The following E2F3 variants were observed in gnomAD, a reference collection of about 807,000 sequenced individuals.
E2F3 encodes transcription factor E2F3.
In E2F3, 11 loss-of-function variants were observed where a neutral mutation model predicts 44.4. The observed-to-expected ratio is 0.25, with a 90% CI of 0.16 to 0.41. The LOEUF is 0.41. Ranked by LOEUF, E2F3 falls within the 10% of genes least tolerant of loss-of-function variation. The pLI is 1.00. For synonymous variants in E2F3, 249 were observed against 253.0 expected (o/e 0.98, Z 0.15); for missense variants, 487 against 583.6 (o/e 0.83, Z 1.70).
intron 1 of E2F3, among the ~76,000 whole-genome samples, chr6:20,433,835 C>T (rs73731197): frequency 0.027 from 4,129 of 152,132 alleles, 85 homozygotes; most frequent in African/African-American, 0.064. Flanking sequence ...GTCTATGGCA[C>T]GAAAACATGA....
At chr6:20,464,477 T>A (rs564075050) in intron 1 of E2F3, among the ~76,000 whole-genome samples, 30 of 152,332 alleles carry the variant, frequency 2.0e-4, no homozygotes, top group African/African-American at 6.7e-4. Flanking sequence ...AGTGTTCCTG[T>A]GACATCACCC....
chr6:20,404,003 G>A (rs1212665483), intron 1 of E2F3, among the ~76,000 whole-genome samples: 1 of 152,148 alleles, frequency 6.6e-6, no homozygotes, highest in East Asian at 1.9e-4. Flanking sequence ...TAAATGCCCC[G>A]GCCTCCGGTT....
Position 20,486,090 on chromosome 6 carries a change from GT to G in E2F3, c.885-593del, listed in dbSNP as rs1762382909. 2.6e-5 allele frequency among the ~76,000 whole-genome samples: 4 copies of G among 152,044 alleles called. No individual in the cohort carries two copies. In the South Asian group the frequency reaches 6.2e-4, roughly 24 times the overall value. ...TCAAGATAAAATTTCTGACCACTTA[GT>G]TTTTTATTTTCTTATGATCATTTAT... On this transcript the variant is annotated intron_variant, in intron 4 of 6. Coordinates refer to ENST00000346618, the MANE Select transcript of E2F3 (RefSeq NM_001949.5).
At chr6:20,414,885 C>T (rs185128798) in intron 1 of E2F3, among the ~76,000 whole-genome samples, 51 of 152,276 alleles carry the variant, frequency 3.3e-4, no homozygotes, top group Non-Finnish European at 6.2e-4. Context: ...TGCCAATTAC[C>T]GTGTGTGACC....
Position 20,481,481 on chromosome 6 carries a change from G to A in E2F3, c.725+56G>A. 2.0e-6 allele frequency: 3 copies of A among 1,506,354 alleles called. 1 individual carries two copies. The highest frequency in any genetic ancestry group is 9.2e-7 in the Non-Finnish European group (1 of 1,087,618). The allele number at this position is 1,506,354 out of a possible 1,614,324, so 93.3% of individuals were successfully genotyped here. A position where few individuals can be genotyped will look rare whatever the true frequency, so the allele number is the denominator to read the frequency against. On this transcript the variant is annotated intron_variant, in intron 3 of 6. Coordinates refer to ENST00000346618, the MANE Select transcript of E2F3 (RefSeq NM_001949.5). ...CTGAGGGGGTCGTTTCAAACTGCCT[G>A]GTTTCTTAGTTCCTCACTTTCACAT...
intron 1 of E2F3, among the ~76,000 whole-genome samples, chr6:20,452,823 A>C (rs1254491559): frequency 6.6e-6 from 1 of 152,044 alleles, no homozygotes; most frequent in African/African-American, 2.4e-5. Flanking sequence ...GCATGGTGGC[A>C]CACACCTGTA....
chr6:20,477,122 T>C (rs1044766309), intron 1 of E2F3, among the ~76,000 whole-genome samples: 3 of 152,114 alleles, frequency 2.0e-5, no homozygotes, highest in African/African-American at 7.2e-5. Context: ...ACTTAACTAA[T>C]AGCCTGTTGT....
At position 20,402,758 on chromosome 6, in the gene E2F3, C is replaced by A. The variant is rs1759350198; in HGVS notation, c.393+133C>A. The A allele has an allele frequency of 3.2e-6, 4 of 1,246,090 alleles. No individual in the cohort carries two copies. In the East Asian group the frequency reaches 9.8e-5, roughly 30 times the overall value. The allele number at this position is 1,246,090 out of a possible 1,614,324, so 77.2% of individuals were successfully genotyped here. ...ATCGTGGGCCTCGGGGGCTGCCCCT[C>A]CAACGAGGGTTCATTGTTAGACCTG... On this transcript the variant is annotated intron_variant, in intron 1 of 6. Transcript: ENST00000346618. The surrounding 1 kb of genome is among the most constrained non-coding windows in gnomAD (Gnocchi z 5.6).
At chr6:20,450,556 T>G (rs1761096780) in intron 1 of E2F3, among the ~76,000 whole-genome samples, 1 of 152,190 alleles carries the variant, frequency 6.6e-6, no homozygotes, top group Admixed American at 6.5e-5. Flanking sequence ...TTGCAAAAAT[T>G]TTCTCCCATT....
At chr6:20,420,011 G>A (rs7754168) in intron 1 of E2F3, among the ~76,000 whole-genome samples, 42,811 of 152,054 alleles carry the variant, frequency 0.28, 8,091 homozygotes, top group African/African-American at 0.53. Context: ...GACTAGTGGC[G>A]CATGCCATCA....
chr6:20,417,657 G>A (rs1374374864), intron 1 of E2F3, among the ~76,000 whole-genome samples: 1 of 150,960 alleles, frequency 6.6e-6, no homozygotes, highest in African/African-American at 2.4e-5. Context: ...CCCAAAGCCT[G>A]GATATGCTTA....
At chr6:20,408,706 G>T (rs1363532917) in intron 1 of E2F3, among the ~76,000 whole-genome samples, 1 of 152,122 alleles carries the variant, frequency 6.6e-6, no homozygotes, top group Non-Finnish European at 1.5e-5. Flanking sequence ...TAAGGCAGGG[G>T]TTTATGTCAG....
intron 1 of E2F3, among the ~76,000 whole-genome samples, chr6:20,422,608 T>G (rs9460503): frequency 0.29 from 44,212 of 152,090 alleles, 8,778 homozygotes; most frequent in African/African-American, 0.55. Flanking sequence ...GGATGTGTGA[T>G]TCTTCCTTTC....
intron 1 of E2F3, among the ~76,000 whole-genome samples, chr6:20,477,904 ACT>A (rs1762098300): frequency 6.6e-6 from 1 of 152,096 alleles, no homozygotes; most frequent in Non-Finnish European, 1.5e-5. Context: ...AGGTGGACAC[ACT>A]CATGGCCGGG....
chr6:20,478,063 A>G (rs190046326), intron 1 of E2F3, among the ~76,000 whole-genome samples: 89 of 152,084 alleles, frequency 5.9e-4, no homozygotes, highest in African/African-American at 2.1e-3. Context: ...GCCAGACATC[A>G]TGGTGTGCAC....
At position 20,402,749 on chromosome 6, in the gene E2F3, G is replaced by T. The variant is rs940484727; in HGVS notation, c.393+124G>T. 5.6e-6 allele frequency: 7 copies of T among 1,246,894 alleles called. No homozygotes were observed. In the African/African-American group the frequency reaches 7.8e-5, roughly 14 times the overall value. 77.2% of individuals were successfully genotyped at this position (1,246,894 alleles called of 1,614,324 possible). A position where few individuals can be genotyped will look rare whatever the true frequency, so the allele number is the denominator to read the frequency against. On this transcript the variant is annotated intron_variant, in intron 1 of 6. Transcript: ENST00000346618. The surrounding 1 kb of genome is among the most constrained non-coding windows in gnomAD (Gnocchi z 5.6). ...GGGCCGAGCATCGTGGGCCTCGGGG[G>T]CTGCCCCTCCAACGAGGGTTCATTG...
At chr6:20,450,144 G>A (rs1761081522) in intron 1 of E2F3, among the ~76,000 whole-genome samples, 1 of 152,116 alleles carries the variant, frequency 6.6e-6, no homozygotes, top group African/African-American at 2.4e-5. Flanking sequence ...CCCAGAAATG[G>A]GAATGCTGGG....
chr6:20,490,123 A>AT lies in E2F3; in HGVS notation c.1136-40dup, dbSNP rs751641717. The AT allele has an allele frequency of 3.1e-5, 47 of 1,527,112 alleles. No individual in the cohort carries two copies. Among genetic ancestry groups the AT allele is most frequent in the Non-Finnish European group, 4.0e-5 (46 of 1,136,882 alleles). The allele number at this position is 1,527,112 out of a possible 1,614,324, so 94.6% of individuals were successfully genotyped here. A position where few individuals can be genotyped will look rare whatever the true frequency, so the allele number is the denominator to read the frequency against. On this transcript the variant is annotated intron_variant, in intron 6 of 6. Transcript: ENST00000346618. The surrounding 1 kb of genome is among the most constrained non-coding windows in gnomAD (Gnocchi z 4.3). Reference sequence around the variant, plus strand: ...ACATTCTTCCAGAAAAATTCATTTGATTTTTCTAACTTATTTTTTGTTTCC... The same window carrying AT: ...ACATTCTTCCAGAAAAATTCATTTGATTTTTTCTAACTTATTTTTTGTTTCC...
In E2F3 at chr6:20,402,070, G is replaced by A. The variant is rs1554133755; in HGVS notation, c.-163G>A. ...CGATTATTTTTGGCCCCCGGGGCCT[G>A]TGCGGTGCGGAAAAATAAAAAGAAA... On this transcript the variant is annotated 5_prime_UTR_variant, in exon 1 of 7. In the 5' UTR this introduces an upstream ATG that the reference lacks. Transcript: ENST00000346618. The surrounding 1 kb of genome is among the most constrained non-coding windows in gnomAD (Gnocchi z 5.6). 2 of 1,272,850 alleles carry A rather than the reference G, an allele frequency of 1.6e-6. No homozygotes were observed. Among genetic ancestry groups the A allele is most frequent in the South Asian group, 3.4e-5 (2 of 58,740 alleles). 78.8% of individuals were successfully genotyped at this position (1,272,850 alleles called of 1,614,324 possible).
Sources: allele counts gnomAD v4.1 joint callset (sites outside exome capture counted in the v4.1 genomes callset), GRCh38; gene constraint gnomAD v4.1.1; non-coding constraint Gnocchi (gnomAD v3.1); transcripts MANE v1.5; gene names NCBI Gene and HGNC (gene_info 2026-07-23, HGNC 2026-07-21).